GRID2: variants seen among roughly 807,000 people sequenced by gnomAD.
The protein encoded by GRID2 is glutamate receptor ionotropic, delta-2.
In GRID2, 33 loss-of-function variants were observed where a neutral mutation model predicts 114.8. The observed-to-expected ratio is 0.29, with a 90% CI of 0.22 to 0.38. The LOEUF (loss-of-function observed/expected upper bound fraction) is 0.38. GRID2 is among the 10% of genes least tolerant of loss of function. GRID2 has a pLI of 1.00. For synonymous variants in GRID2, 505 were observed against 449.9 expected (o/e 1.12, Z -1.55); for missense variants, 1,184 against 1,257.7 (o/e 0.94, Z 0.89).
At chr4:93,139,354 A>C (rs1735551616) in intron 4 of GRID2, among the ~76,000 whole-genome samples, 3 of 152,106 alleles carry the variant, frequency 2.0e-5, no homozygotes, top group Non-Finnish European at 2.9e-5. Flanking sequence ...CAATACACTG[A>C]ACACATTATT....
intron 3 of GRID2, among the ~76,000 whole-genome samples, chr4:93,088,484 T>C (rs1318227504): frequency 6.6e-6 from 1 of 152,142 alleles, no homozygotes; most frequent in Non-Finnish European, 1.5e-5. Context: ...TTAAGTGTTA[T>C]GAATGATGTA....
intron 8 of GRID2, among the ~76,000 whole-genome samples, chr4:93,339,463 A>G (rs1219148542): frequency 6.6e-6 from 1 of 152,120 alleles, no homozygotes; most frequent in African/African-American, 2.4e-5. Context: ...AAAGTTTGCC[A>G]GCCAACCACC....
chr4:93,228,870 G>T (rs1241554897), intron 7 of GRID2, among the ~76,000 whole-genome samples: 1 of 152,162 alleles, frequency 6.6e-6, no homozygotes, highest in African/African-American at 2.4e-5. Context: ...AGGAAGGAAA[G>T]AGAGACACCA....
At chr4:93,802,549 A>G (rs1734953602) in intron 1 of GRID2, among the ~76,000 whole-genome samples, 1 of 152,242 alleles carries the variant, frequency 6.6e-6, no homozygotes, top group African/African-American at 2.4e-5. Context: ...AAATAAATTT[A>G]GTATGGTTTT....
At chr4:93,376,247 C>T (rs983890356) in intron 8 of GRID2, among the ~76,000 whole-genome samples, 11 of 152,026 alleles carry the variant, frequency 7.2e-5, no homozygotes, top group South Asian at 2.1e-4. Context: ...AAATCAATGA[C>T]GGATCGTATG....
chr4:92,390,945 A>G (rs1029806416), intron 1 of GRID2, among the ~76,000 whole-genome samples: 1 of 152,208 alleles, frequency 6.6e-6, no homozygotes, highest in Non-Finnish European at 1.5e-5. Flanking sequence ...TAGGTGCCTA[A>G]TAAATATTTG....
intron 3 of GRID2, among the ~76,000 whole-genome samples, chr4:93,093,551 A>G (rs1333692849): frequency 6.6e-6 from 1 of 152,080 alleles, no homozygotes; most frequent in Non-Finnish European, 1.5e-5. Context: ...CATGAATTCC[A>G]ATTATATACT....
chr4:93,636,920 C>G (rs930069446), intron 14 of GRID2, among the ~76,000 whole-genome samples: 1 of 152,168 alleles, frequency 6.6e-6, no homozygotes, highest in African/African-American at 2.4e-5. Context: ...GTCCCATCCC[C>G]TGCCCTGTTC....
downstream of GRID2, among the ~76,000 whole-genome samples, chr4:93,779,009 T>C (rs1189945700): frequency 1.3e-5 from 2 of 152,168 alleles, no homozygotes; most frequent in East Asian, 3.9e-4. Context: ...GATTTCTCCA[T>C]GGAAAGATCA....
intron 2 of GRID2, among the ~76,000 whole-genome samples, chr4:92,775,373 C>T (rs998040293): frequency 2.6e-5 from 4 of 152,062 alleles, no homozygotes; most frequent in African/African-American, 4.8e-5. Flanking sequence ...ACAAAATTAT[C>T]GATGACAGAA....
chr4:93,295,777 A>T (rs998158966), intron 8 of GRID2, among the ~76,000 whole-genome samples: 1 of 152,146 alleles, frequency 6.6e-6, no homozygotes, highest in Non-Finnish European at 1.5e-5. Flanking sequence ...ATTTTCACAA[A>T]AACACTGAGA....
chr4:93,000,232 TTTTG>T (rs1484150690), intron 2 of GRID2, among the ~76,000 whole-genome samples: 6 of 151,544 alleles, frequency 4.0e-5, no homozygotes, highest in South Asian at 2.1e-4. Flanking sequence ...AGTAACAGTG[TTTTG>T]TTTGTTTGTT....
chr4:92,436,806 T>C (rs1417666434), intron 1 of GRID2, among the ~76,000 whole-genome samples: 3 of 152,168 alleles, frequency 2.0e-5, no homozygotes, highest in Non-Finnish European at 4.4e-5. Context: ...GATACTTTCA[T>C]AATTTATTAA....
At chr4:93,783,563 A>T (rs1263130702) in intron 1 of GRID2, among the ~76,000 whole-genome samples, 1 of 152,220 alleles carries the variant, frequency 6.6e-6, no homozygotes, top group Non-Finnish European at 1.5e-5. Flanking sequence ...AAACTCACAA[A>T]AGATGAATAC....
chr4:93,039,738 C>G (rs997865774), intron 2 of GRID2, among the ~76,000 whole-genome samples: 2 of 152,132 alleles, frequency 1.3e-5, no homozygotes, highest in African/African-American at 4.8e-5. Context: ...AAACTCAAAT[C>G]CCGGCTCATA....
At chr4:93,382,177 TTC>T (rs1763915134) in intron 8 of GRID2, among the ~76,000 whole-genome samples, 1 of 152,146 alleles carries the variant, frequency 6.6e-6, no homozygotes, top group African/African-American at 2.4e-5. Flanking sequence ...GTTTTTGATA[TTC>T]TCTTTTTTGT....
chr4:93,375,532 TGTG>T (rs2149299451), intron 8 of GRID2, among the ~76,000 whole-genome samples: 1 of 152,186 alleles, frequency 6.6e-6, no homozygotes, highest in African/African-American at 2.4e-5. Flanking sequence ...ACTGTGATGT[TGTG>T]TAGGTCTCTG....
intron 2 of GRID2, among the ~76,000 whole-genome samples, chr4:92,764,173 C>A (rs1270040816): frequency 6.6e-6 from 1 of 152,140 alleles, no homozygotes; most frequent in African/African-American, 2.4e-5. Context: ...CAGCAGCACA[C>A]CACTGGCGAG....
chr4:92,423,895 G>T (rs1204042825), intron 1 of GRID2, among the ~76,000 whole-genome samples: 2 of 151,974 alleles, frequency 1.3e-5, no homozygotes, highest in East Asian at 3.9e-4. Context: ...ATTGTTAGAA[G>T]ATTTATAATA....
Sources: allele counts gnomAD v4.1 joint callset (sites outside exome capture counted in the v4.1 genomes callset), GRCh38; gene constraint gnomAD v4.1.1; transcripts MANE v1.5; gene names NCBI Gene and HGNC (gene_info 2026-07-23, HGNC 2026-07-21).